GPD2: variants seen among roughly 807,000 people sequenced by gnomAD.
The protein encoded by GPD2 is glycerol-3-phosphate dehydrogenase, mitochondrial.
Under a neutral mutation model 82.4 loss-of-function variants are expected in GPD2, and 54 were observed. The ratio of observed to expected loss-of-function variants is 0.66; its 90% CI spans 0.53 to 0.82. The LOEUF is 0.82. Ranked by LOEUF, GPD2 falls within the 40% of genes least tolerant of loss-of-function variation. The pLI, the probability that GPD2 is intolerant of heterozygous loss-of-function variation, is 0.00. For missense variants in GPD2, 748 were observed against 896.2 expected, an observed-to-expected ratio of 0.83 and a Z score of 2.11; for synonymous variants, 288 against 306.1, an observed-to-expected ratio of 0.94 and a Z score of 0.62.
At chr2:156,558,021 G>A (rs994689923) in intron 9 of GPD2, among the ~76,000 whole-genome samples, 7 of 152,192 alleles carry the variant, frequency 4.6e-5, no homozygotes, top group Admixed American at 2.0e-4. Flanking sequence ...TACATGGAAA[G>A]TATAATGTTG....
chr2:156,501,269 T>C (rs1158024685), intron 3 of GPD2, among the ~76,000 whole-genome samples: 1 of 152,204 alleles, frequency 6.6e-6, no homozygotes, highest in Non-Finnish European at 1.5e-5. Flanking sequence ...ATTGTAGTTC[T>C]CTTGTTTACA....
At chr2:156,489,860 CCCTT>C (rs1173335452) in intron 2 of GPD2, among the ~76,000 whole-genome samples, 31 of 134,472 alleles carry the variant, frequency 2.3e-4, no homozygotes, top group African/African-American at 7.6e-4. Context: ...CTTCTTCCCT[CCCTT>C]CCTTCCTTCC....
intron 1 of GPD2, among the ~76,000 whole-genome samples, chr2:156,447,487 A>C (rs147339506): frequency 6.6e-6 from 1 of 152,094 alleles, no homozygotes; most frequent in African/African-American, 2.4e-5. Context: ...GGTTCAGGCC[A>C]TCATACCTGA....
chr2:156,527,556 A>G (rs1363406321), intron 6 of GPD2, among the ~76,000 whole-genome samples: 1 of 152,074 alleles, frequency 6.6e-6, no homozygotes, highest in Non-Finnish European at 1.5e-5. Context: ...TTAAATAACT[A>G]TTGCTCCTTT....
At chr2:156,414,303 G>A in the GPD2 span, among the ~76,000 whole-genome samples, 1 of 152,122 alleles carries the variant, frequency 6.6e-6, no homozygotes, top group Admixed American at 6.5e-5. Flanking sequence ...CATAAATAAC[G>A]TATAAGTGAC....
intron 2 of GPD2, among the ~76,000 whole-genome samples, chr2:156,488,165 C>T (rs1336422401): frequency 1.3e-5 from 2 of 152,100 alleles, no homozygotes; most frequent in South Asian, 2.1e-4. Flanking sequence ...TCATGAATCC[C>T]TCACCGAATA....
intron 1 of GPD2, among the ~76,000 whole-genome samples, chr2:156,444,070 G>T (rs1030887400): frequency 3.3e-5 from 5 of 152,158 alleles, no homozygotes; most frequent in African/African-American, 1.2e-4. Flanking sequence ...TGTCAAATAA[G>T]GTGGCTGGAC....
the GPD2 span, among the ~76,000 whole-genome samples, chr2:156,425,093 T>TTA: frequency 2.0e-5 from 3 of 151,594 alleles, no homozygotes; most frequent in East Asian, 3.9e-4. Flanking sequence ...CATTTTATTT[T>TTA]TTTTTTTGTT....
At chr2:156,535,988 C>T (rs764428757) in intron 6 of GPD2, among the ~76,000 whole-genome samples, 7 of 152,218 alleles carry the variant, frequency 4.6e-5, no homozygotes, top group Non-Finnish European at 8.8e-5. Flanking sequence ...AATCCCCTAT[C>T]AGGATATTAG....
chr2:156,578,798 A>G (rs1321219144), intron 13 of GPD2, 91 bp from the exon 14 acceptor site: 1 of 799,502 alleles, frequency 1.3e-6, no homozygotes, highest in Non-Finnish European at 2.2e-6. Context: ...GTAAGGATCA[A>G]CTTCATTTTC....
At chr2:156,428,129 C>A in the GPD2 span, among the ~76,000 whole-genome samples, 1 of 152,276 alleles carries the variant, frequency 6.6e-6, no homozygotes, top group South Asian at 2.1e-4. Flanking sequence ...TTGACAGGTT[C>A]CAGGGATCAG....
At chr2:156,419,049 CTTTTTTTTTTTTTTTTT>C in the GPD2 span, among the ~76,000 whole-genome samples, 3 of 77,200 alleles carry the variant, frequency 3.9e-5, no homozygotes, top group South Asian at 4.6e-4. Flanking sequence ...TTCTTTCCTT[CTTTTTTTTTTTTTTTTT>C]TTTTTTTTTT....
chr2:156,405,491 GT>G, the GPD2 span, among the ~76,000 whole-genome samples: 1 of 152,208 alleles, frequency 6.6e-6, no homozygotes, highest in Non-Finnish European at 1.5e-5. Context: ...AGGAGCCAAA[GT>G]TGGAGAAACA....
chr2:156,541,565 C>T (rs979759261), intron 6 of GPD2, among the ~76,000 whole-genome samples: 4 of 152,102 alleles, frequency 2.6e-5, no homozygotes, highest in Non-Finnish European at 1.5e-5. Flanking sequence ...GCTTAAGATG[C>T]CATGCAATTT....
At chr2:156,574,941 C>G (rs1192571731) in intron 13 of GPD2, among the ~76,000 whole-genome samples, 1 of 152,150 alleles carries the variant, frequency 6.6e-6, no homozygotes, top group African/African-American at 2.4e-5. Flanking sequence ...TAATTTACTA[C>G]CAATGTCTTT....
chr2:156,452,586 T>G (rs898842997), intron 1 of GPD2, among the ~76,000 whole-genome samples: 1 of 152,124 alleles, frequency 6.6e-6, no homozygotes, highest in East Asian at 1.9e-4. Flanking sequence ...GAGGGAGAAC[T>G]CTTTCAAGAA....
intron 6 of GPD2, among the ~76,000 whole-genome samples, chr2:156,533,801 G>A (rs916358644): frequency 3.3e-5 from 5 of 152,140 alleles, no homozygotes; most frequent in East Asian, 1.9e-4. Flanking sequence ...TCATCTGTTC[G>A]GCCACCATGC....
At chr2:156,522,775 A>T (rs1233586838) in intron 6 of GPD2, among the ~76,000 whole-genome samples, 1 of 151,906 alleles carries the variant, frequency 6.6e-6, no homozygotes. Context: ...AGGAAGGAAG[A>T]GGAATCATAG....
chr2:156,412,055 C>T, the GPD2 span, among the ~76,000 whole-genome samples: 2 of 152,054 alleles, frequency 1.3e-5, no homozygotes, highest in South Asian at 2.1e-4. Context: ...AGTATTGAGC[C>T]GCAAAGATGT....
Sources: gnomAD v4.1 joint callset for allele counts (sites outside exome capture counted in the v4.1 genomes callset) on GRCh38, gnomAD v4.1.1 for gene constraint, MANE v1.5 for transcripts, NCBI Gene and HGNC (gene_info 2026-07-23, HGNC 2026-07-21) for gene names.